Variants in LMBRD2 observed in about 807,000 individuals in gnomAD.
The protein encoded by LMBRD2 is LMBR1 domain containing 2.
In LMBRD2, 55 loss-of-function variants were observed where a neutral mutation model predicts 94.4. The observed-to-expected ratio is 0.58, with a 90% CI of 0.47 to 0.73. The LOEUF is 0.73. LMBRD2 is among the 30% of genes least tolerant of loss of function. The pLI is 0.00. For missense variants in LMBRD2, 640 were observed against 831.9 expected (o/e 0.77, Z 2.84); for synonymous variants, 246 against 272.4 (o/e 0.90, Z 0.95).
chr5:36,112,278 T>C (rs1341295954), intron 13 of LMBRD2, among the ~76,000 whole-genome samples: 3 of 152,172 alleles, frequency 2.0e-5, no homozygotes, highest in African/African-American at 7.2e-5. Flanking sequence ...CTTACCATCT[T>C]CATATCCTTA....
chr5:36,130,484 C>G (rs1399796644), intron 6 of LMBRD2, among the ~76,000 whole-genome samples: 1 of 151,810 alleles, frequency 6.6e-6, no homozygotes, highest in Non-Finnish European at 1.5e-5. Context: ...AGAAAATCAC[C>G]TTCACAAAAA....
chr5:36,104,161 G>C, intron 17 of LMBRD2, 55 bp from the exon 18 acceptor site: 1 of 1,384,054 alleles, frequency 7.2e-7, no homozygotes, highest in Non-Finnish European at 1.0e-6. Context: ...TAAAGGAAGA[G>C]AGGAAAACAA....
chr5:36,133,318 A>T (rs1744196052), intron 6 of LMBRD2, among the ~76,000 whole-genome samples: 2 of 147,520 alleles, frequency 1.4e-5, no homozygotes, highest in Non-Finnish European at 3.0e-5. Flanking sequence ...CAAACTTCAC[A>T]TGTTCCCACT....
chr5:36,114,612 T>A, intron 12 of LMBRD2, 91 bp from the exon 13 acceptor site: 2 of 1,353,148 alleles, frequency 1.5e-6, no homozygotes, highest in Non-Finnish European at 1.9e-6. Context: ...TAACCAGTTA[T>A]ATCAATCCAT....
Position 36,098,847 on chromosome 5 carries a change from A to G in LMBRD2, c.*5199T>C, listed in dbSNP as rs1743293944. The G allele has an allele frequency of 6.6e-6, 1 of 152,068 alleles. No individual in the cohort carries two copies. Among genetic ancestry groups the G allele is most frequent in the South Asian group, 2.1e-4 (1 of 4,834 alleles). 9.4% of individuals were successfully genotyped at this position (152,068 alleles called of 1,614,324 possible). ...AAAAAATAGTTTAATCTACAACCCA[A>G]TGATCAGATAGTAAAACATTTGTCA... On this transcript the variant is annotated 3_prime_UTR_variant, in exon 18 of 18. Coordinates refer to ENST00000296603, the MANE Select transcript of LMBRD2 (RefSeq NM_001007527.2).
chr5:36,130,425 C>A (rs1191054982), intron 6 of LMBRD2, among the ~76,000 whole-genome samples: 1 of 151,768 alleles, frequency 6.6e-6, no homozygotes, highest in African/African-American at 2.4e-5. Flanking sequence ...AAAAAGCATA[C>A]AACAGATACA....
At chr5:36,136,229 A>G (rs1294084060) in intron 6 of LMBRD2, 80 bp downstream of exon 6, 28 of 1,354,062 alleles carry the variant, frequency 2.1e-5, no homozygotes, top group Non-Finnish European at 2.9e-5. Flanking sequence ...ATGCACTAAC[A>G]ACAACAACAA....
At chr5:36,107,641 C>G (rs1478480762) in intron 16 of LMBRD2, among the ~76,000 whole-genome samples, 2 of 152,190 alleles carry the variant, frequency 1.3e-5, no homozygotes, top group Admixed American at 1.3e-4. Context: ...TGACCTTGTA[C>G]TTAGTAGGGC....
At chr5:36,138,404 AC>A (rs1362269197) in intron 4 of LMBRD2, among the ~76,000 whole-genome samples, 1 of 152,254 alleles carries the variant, frequency 6.6e-6, no homozygotes, top group Non-Finnish European at 1.5e-5. Flanking sequence ...TACATACAGC[AC>A]AGCATAGATG....
At chr5:36,148,428 A>G (rs947489325) in intron 1 of LMBRD2, among the ~76,000 whole-genome samples, 8 of 152,202 alleles carry the variant, frequency 5.3e-5, no homozygotes. Flanking sequence ...ATATAAGAAA[A>G]AAGAACTAAA....
At chr5:36,145,260 C>G (rs1195563680) in intron 1 of LMBRD2, among the ~76,000 whole-genome samples, 1 of 152,186 alleles carries the variant, frequency 6.6e-6, no homozygotes, top group African/African-American at 2.4e-5. Context: ...ATGTAAAACT[C>G]GTGTAATGGT....
In LMBRD2 at chr5:36,144,195, T is replaced by C. The variant is rs543285558; in HGVS notation, c.-57-789A>G. 3.3e-5 allele frequency among the ~76,000 whole-genome samples: 5 copies of C among 152,258 alleles called. No homozygotes were observed. The South Asian group carries it at 1.0e-3, about 32-fold the overall frequency. ...CTCTCTACTCAAAAAAGTTAGAGTA[T>C]AGAGATTTAAAGTCTCTATTTTAAA... On this transcript the variant is annotated intron_variant, in intron 1 of 17. Transcript: ENST00000296603.
intron 3 of LMBRD2, among the ~76,000 whole-genome samples, chr5:36,141,417 A>T (rs1045750339): frequency 6.6e-6 from 1 of 152,206 alleles, no homozygotes; most frequent in Non-Finnish European, 1.5e-5. Context: ...TTGTTCTGAA[A>T]ATGTCATTTA....
intron 3 of LMBRD2, 77 bp downstream of exon 3, chr5:36,142,425 T>C (rs1481888379): frequency 5.3e-6 from 4 of 758,112 alleles, no homozygotes; most frequent in Non-Finnish European, 9.0e-6. Flanking sequence ...ATATAAAGTC[T>C]GGATGGTAAA....
rs77103157 is a variant in LMBRD2, at chr5:36,117,783, C to T, written c.1254G>A (p.Ala418=). The part of the protein sequence containing the change: ...FSTTPVLSLF[A]VFIQLAEKTY... Reference sequence around the variant, plus strand: ...TTTTTTCTGCCAGCTGTATGAAGACCGCAAAGAGGGATAAGACAGGAGTAG... The same window carrying T: ...TTTTTTCTGCCAGCTGTATGAAGACTGCAAAGAGGGATAAGACAGGAGTAG... The change falls in exon 10 of 18, where the codon GCG becomes GCA. Residue 418 remains alanine (A), a synonymous_variant. Transcript: ENST00000296603. 3.6e-3 allele frequency: 5,844 copies of T among 1,612,718 alleles called. 203 individuals carry two copies. The African/African-American group carries it at 0.07, about 19-fold the overall frequency.
At chr5:36,121,891 TAC>T (rs1278379050) in intron 9 of LMBRD2, among the ~76,000 whole-genome samples, 2 of 152,208 alleles carry the variant, frequency 1.3e-5, no homozygotes, top group Non-Finnish European at 2.9e-5. Flanking sequence ...CCATATTGCC[TAC>T]CTGTACTATA....
At position 36,101,260 on chromosome 5, in the gene LMBRD2, A is replaced by G. The variant is rs1368714218; in HGVS notation, c.*2786T>C. ...TAACAAGTTATTTATGTTGTAAAAGAAGTTAATTAGTAATTTAGAGGTGAT... is the reference window on the plus strand; with the variant it reads ...TAACAAGTTATTTATGTTGTAAAAGGAGTTAATTAGTAATTTAGAGGTGAT... On this transcript the variant is annotated 3_prime_UTR_variant, in exon 18 of 18. Coordinates refer to ENST00000296603, the MANE Select transcript of LMBRD2 (RefSeq NM_001007527.2). The G allele has an allele frequency of 6.6e-6, 1 of 151,984 alleles. No individual in the cohort carries two copies. Among genetic ancestry groups the G allele is most frequent in the East Asian group, 1.9e-4 (1 of 5,200 alleles). The allele number at this position is 151,984 out of a possible 1,614,324, so 9.4% of individuals were successfully genotyped here. A position where few individuals can be genotyped will look rare whatever the true frequency, so the allele number is the denominator to read the frequency against.
intron 9 of LMBRD2, among the ~76,000 whole-genome samples, chr5:36,118,749 T>G (rs1338995482): frequency 6.6e-6 from 1 of 151,822 alleles, no homozygotes; most frequent in Non-Finnish European, 1.5e-5. Flanking sequence ...CTCCGGGGTT[T>G]AAGTGATTCT....
chr5:36,104,506 C>CT (rs1278687508), intron 17 of LMBRD2, among the ~76,000 whole-genome samples: 6 of 151,928 alleles, frequency 3.9e-5, no homozygotes, highest in African/African-American at 1.4e-4. Flanking sequence ...TAATTATGTG[C>CT]TTATAGCATA....
Sources: allele counts gnomAD v4.1 joint callset (sites outside exome capture counted in the v4.1 genomes callset), GRCh38; gene constraint gnomAD v4.1.1; transcripts MANE v1.5; gene names NCBI Gene and HGNC (gene_info 2026-07-23, HGNC 2026-07-21).